HTR7: variants seen among roughly 807,000 people sequenced by gnomAD.
HTR7 encodes the protein 5-hydroxytryptamine receptor 7.
In HTR7, 16 loss-of-function variants were observed where a neutral mutation model predicts 34.0. The observed-to-expected ratio is 0.47, with a 90% CI of 0.32 to 0.71. HTR7 has a LOEUF of 0.71. HTR7 is among the 30% of genes least tolerant of loss of function. The pLI is 0.04. For synonymous variants in HTR7, 265 were observed against 260.2 expected (o/e 1.02, Z -0.18); for missense variants, 504 against 625.5 (o/e 0.81, Z 2.07).
intron 1 of HTR7, among the ~76,000 whole-genome samples, chr10:90,778,805 A>G (rs1030625402): frequency 3.3e-5 from 5 of 152,128 alleles, no homozygotes; most frequent in Admixed American, 2.6e-4. Flanking sequence ...CCATTCCTGG[A>G]TACTATTTTC....
At chr10:90,781,378 C>T (rs1845303287) in intron 1 of HTR7, among the ~76,000 whole-genome samples, 1 of 152,114 alleles carries the variant, frequency 6.6e-6, no homozygotes, top group African/African-American at 2.4e-5. Context: ...AAATGAGCAA[C>T]AACTTTTTAA....
intron 1 of HTR7, among the ~76,000 whole-genome samples, chr10:90,803,352 A>T (rs1436344265): frequency 6.6e-6 from 1 of 152,160 alleles, no homozygotes; most frequent in Non-Finnish European, 1.5e-5. Context: ...TCACATGCGC[A>T]GTAGCCTGCC....
At chr10:90,766,575 G>A (rs868188424) in intron 1 of HTR7, among the ~76,000 whole-genome samples, 12 of 152,226 alleles carry the variant, frequency 7.9e-5, no homozygotes, top group African/African-American at 2.6e-4. Context: ...TTTGTTCGCT[G>A]TTTTCTGCCT....
Position 90,857,591 on chromosome 10 carries a change from C to G in HTR7, c.81G>C (p.Gly27=). 6.3e-7 allele frequency: 1 copy of G among 1,595,134 alleles called. No homozygotes were observed. The highest frequency in any genetic ancestry group is 2.3e-5 in the East Asian group (1 of 44,070). Residue 27 remains glycine, a synonymous_variant, in exon 1 of 4, where the codon GGG becomes GGC. Coordinates refer to ENST00000336152, the MANE Select transcript of HTR7 (RefSeq NM_019859.4). The surrounding 1 kb of genome is among the most constrained non-coding windows in gnomAD (Gnocchi z 6.5). Reference sequence around the variant, plus strand: ...CACCGTCGGGGCTCAAGTCGGGCAGCCCGCGCCCCACTTCTGGCAGAAGGA... The same window carrying G: ...CACCGTCGGGGCTCAAGTCGGGCAGGCCGCGCCCCACTTCTGGCAGAAGGA... The part of the protein sequence containing the change: ...RSFLLPEVGR[G]LPDLSPDGGA...
chr10:90,794,812 G>C (rs2119895709), intron 1 of HTR7, among the ~76,000 whole-genome samples: 1 of 152,222 alleles, frequency 6.6e-6, no homozygotes, highest in Non-Finnish European at 1.5e-5. Flanking sequence ...ATACATAATT[G>C]TATGTGTTAT....
intron 1 of HTR7, among the ~76,000 whole-genome samples, chr10:90,768,465 C>T (rs905645694): frequency 1.3e-5 from 2 of 152,138 alleles, no homozygotes; most frequent in African/African-American, 4.8e-5. Context: ...CAATATGTAT[C>T]ACTTTTATTA....
intron 1 of HTR7, among the ~76,000 whole-genome samples, chr10:90,796,869 G>A (rs375337346): frequency 1.6e-4 from 24 of 152,106 alleles, no homozygotes; most frequent in Admixed American, 1.1e-3. Flanking sequence ...AAAATTAGCC[G>A]GATGTGGTGG....
At chr10:90,836,530 G>T (rs1196572842) in intron 1 of HTR7, among the ~76,000 whole-genome samples, 2 of 151,706 alleles carry the variant, frequency 1.3e-5, no homozygotes, top group African/African-American at 2.4e-5. Context: ...TTTAAAATTT[G>T]AGACAGGGTC....
intron 1 of HTR7, among the ~76,000 whole-genome samples, chr10:90,761,262 T>C (rs1259376465): frequency 6.6e-6 from 1 of 152,200 alleles, no homozygotes; most frequent in Non-Finnish European, 1.5e-5. Context: ...ATAATTGAAT[T>C]TTCATAATGA....
rs1202537194 is a variant in HTR7, at chr10:90,766,780, CAACTT to C, written c.540-17191_540-17187del. 3.3e-5 allele frequency among the ~76,000 whole-genome samples: 5 copies of C among 152,292 alleles called. No individual in the cohort carries two copies. The East Asian group carries it at 9.6e-4, about 29-fold the overall frequency. On this transcript the variant is annotated intron_variant, in intron 1 of 3. Coordinates refer to ENST00000336152, the MANE Select transcript of HTR7 (RefSeq NM_019859.4). ...GCATCACCCTAATTTAAGCTGATAA[CAACTT>C]AACTTCCACTGCACATAAAACTCTA... is the stretch of plus-strand genomic sequence containing the variant.
chr10:90,782,843 T>G (rs1407754330), intron 1 of HTR7, among the ~76,000 whole-genome samples: 1 of 152,190 alleles, frequency 6.6e-6, no homozygotes, highest in African/African-American at 2.4e-5. Context: ...TTTGTTTGCT[T>G]CTTTCTTGCT....
chr10:90,750,896 A>G (rs1844722895), intron 1 of HTR7, among the ~76,000 whole-genome samples: 1 of 152,224 alleles, frequency 6.6e-6, no homozygotes, highest in East Asian at 1.9e-4. Flanking sequence ...ATAAGTATTA[A>G]TGGAGCTCAT....
intron 1 of HTR7, among the ~76,000 whole-genome samples, chr10:90,811,396 C>T (rs1845807216): frequency 6.6e-6 from 1 of 152,062 alleles, no homozygotes; most frequent in African/African-American, 2.4e-5. Flanking sequence ...CTTTCTGCTC[C>T]CCAGCTCCTT....
chr10:90,844,676 G>A (rs1319748130), intron 1 of HTR7, among the ~76,000 whole-genome samples: 1 of 128,596 alleles, frequency 7.8e-6, no homozygotes, highest in Non-Finnish European at 1.6e-5. Context: ...GCAGTGAGCC[G>A]AGATTGTGCC....
At chr10:90,790,742 T>A (rs12264314) in intron 1 of HTR7, among the ~76,000 whole-genome samples, 1 of 152,058 alleles carries the variant, frequency 6.6e-6, no homozygotes, top group East Asian at 1.9e-4. Context: ...CAAGCTATTT[T>A]AAAAAATACT....
At chr10:90,856,105 TAC>T (rs1293869723) in intron 1 of HTR7, among the ~76,000 whole-genome samples, 1 of 152,216 alleles carries the variant, frequency 6.6e-6, no homozygotes, top group Non-Finnish European at 1.5e-5. Flanking sequence ...CTGAAAGATC[TAC>T]ACATATAAAG....
Position 90,817,095 on chromosome 10 carries a change from A to C in HTR7, c.539+40038T>G, listed in dbSNP as rs887303443. ...CTCAGCAACAACATGGGACAAAATG[A>C]AAGTGTGGCCACTGATGCTGCCTCT... is the stretch of plus-strand genomic sequence containing the variant. On this transcript the variant is annotated intron_variant, in intron 1 of 3. Transcript: ENST00000336152. Among the ~76,000 whole-genome samples, 9 of 152,224 alleles carry C rather than the reference A, an allele frequency of 5.9e-5. 1 individual carries two copies. Among genetic ancestry groups the C allele is most frequent in the African/African-American group, 1.9e-4 (8 of 41,460 alleles).
chr10:90,857,566 C>T lies in HTR7; in HGVS notation c.106G>A (p.Gly36Ser). The change falls in exon 1 of 4, where the codon GGC (glycine) becomes AGC (serine). Residue 36 changes from glycine (G) to serine (S), a missense_variant. Around this residue, in one of 4 missense-constraint regions of HTR7, gnomAD observed 139 missense variants for 117.1 expected, o/e 1.19. Coordinates refer to ENST00000336152, the MANE Select transcript of HTR7 (RefSeq NM_019859.4). This position sits in a 1 kb window ranked among gnomAD's most constrained non-coding sequence, Gnocchi z 6.5. ...RGLPDLSPDG[G>S]ADPVAGSWAP... ...CAGGAGCCCGCGACCGGGTCGGCGC[C>T]ACCGTCGGGGCTCAAGTCGGGCAGC... The T allele has an allele frequency of 6.3e-7, 1 of 1,595,816 alleles. No individual in the cohort carries two copies. The highest frequency in any genetic ancestry group is 1.7e-5 in the Admixed American group (1 of 57,340).
At chr10:90,776,307 G>A (rs1845208871) in intron 1 of HTR7, among the ~76,000 whole-genome samples, 1 of 152,140 alleles carries the variant, frequency 6.6e-6, no homozygotes, top group African/African-American at 2.4e-5. Flanking sequence ...TATCACTCAG[G>A]TCTGTTGGAT....
Sources: gnomAD v4.1 joint callset for allele counts (sites outside exome capture counted in the v4.1 genomes callset) on GRCh38, gnomAD v4.1.1 for gene constraint, gnomAD v4.1.1 regional missense constraint, Gnocchi (gnomAD v3.1) non-coding constraint, MANE v1.5 for transcripts, NCBI Gene and HGNC (gene_info 2026-07-23, HGNC 2026-07-21) for gene names.